Variants in KIAA1614 observed in about 807,000 individuals in gnomAD.
KIAA1614 encodes the protein uncharacterized protein KIAA1614.
KIAA1614 carries 76 observed loss-of-function variants against 88.7 expected under a neutral mutation model. The ratio of observed to expected loss-of-function variants is 0.86; its 90% CI spans 0.71 to 1.04. The LOEUF (loss-of-function observed/expected upper bound fraction) is 1.04. Among genes scored for constraint, KIAA1614 ranks in the 50% least tolerant of loss-of-function variants. The probability of loss-of-function intolerance (pLI) is 0.00; values close to 1 mark genes in which losing one functional copy is unlikely to be tolerated. For missense variants in KIAA1614, 1,553 were observed against 1,582.5 expected, an observed-to-expected ratio of 0.98 and a Z score of 0.32; for synonymous variants, 714 against 675.5, an observed-to-expected ratio of 1.06 and a Z score of -0.88.
rs12748361 is a variant in KIAA1614 at position 180,944,568 on chromosome 1, A to G, written c.3287+52A>G. On this transcript the variant is annotated intron_variant, in intron 8 of 8. Transcript: ENST00000367588. ...GATAAACTCAGAGAGTGACCAGCGG[A>G]GCCAAAAGCTTAACTCCTTCCTGCC... is the stretch of plus-strand genomic sequence containing the variant. 4 of 1,588,404 alleles carry G rather than the reference A, an allele frequency of 2.5e-6. No homozygotes were observed. In the Admixed American group the frequency reaches 6.8e-5, roughly 27 times the overall value.
chr1:180,917,842 G>A lies in KIAA1614; in HGVS notation c.998-9G>A. 1.2e-6 allele frequency: 2 copies of A among 1,613,196 alleles called. No individual in the cohort carries two copies. The highest frequency in any genetic ancestry group is 1.7e-6 in the Non-Finnish European group (2 of 1,179,260). ...CTGTCCTGATCTCTGCTTCTGTTCT[G>A]GATCCTAGAGCGACCAGTGGGGGAT... On this transcript the variant is annotated splice_polypyrimidine_tract_variant and intron_variant, in intron 2 of 8. Transcript: ENST00000367588.
At chr1:180,915,298 T>C (rs1653753402) in intron 1 of KIAA1614, among the ~76,000 whole-genome samples, 1 of 152,218 alleles carries the variant, frequency 6.6e-6, no homozygotes, top group Non-Finnish European at 1.5e-5. Flanking sequence ...CAGCACCTTC[T>C]ACTGGAGGTC....
chr1:180,916,533 A>G lies in KIAA1614; in HGVS notation c.430A>G (p.Thr144Ala), dbSNP rs1411261427. 3 of 1,613,448 alleles carry G rather than the reference A, an allele frequency of 1.9e-6. No individual in the cohort carries two copies. The African/African-American group carries it at 4.0e-5, about 22-fold the overall frequency. ...FLPGAVVAPR[T>A]QNLPDGQLDG... is the part of the protein sequence containing the mutation. ...GCCAGGTGCTGTGGTGGCTCCTCGT[A>G]CCCAAAACCTGCCTGATGGGCAGCT... The change falls in exon 2 of 9, where the codon ACC (threonine) becomes GCC (alanine). Residue 144 changes from threonine (T) to alanine (A), a missense_variant. Physicochemically the swap from Thr to Ala is moderately conservative, Grantham distance 58. Coordinates refer to ENST00000367588, the MANE Select transcript of KIAA1614 (RefSeq NM_020950.2).
chr1:180,927,262 C>G (rs954902603), intron 3 of KIAA1614, among the ~76,000 whole-genome samples: 8 of 152,134 alleles, frequency 5.3e-5, no homozygotes, highest in African/African-American at 1.9e-4. Context: ...CTGTTGAGGA[C>G]AGCCCAGCAT....
Position 180,928,992 on chromosome 1 carries a change from T to C in KIAA1614, c.1205+419T>C, listed in dbSNP as rs149538534. Among the ~76,000 whole-genome samples the C allele has an allele frequency of 1.1e-3, 169 of 152,348 alleles. 1 individual carries two copies. The highest frequency in any genetic ancestry group is 1.9e-3 in the Non-Finnish European group (128 of 68,034). Reference sequence around the variant, plus strand: ...CTGAGGCTTGACGGAAGTATAGATATGCACTGGCAAGCAGTGCAAGATAGG... The same window carrying C: ...CTGAGGCTTGACGGAAGTATAGATACGCACTGGCAAGCAGTGCAAGATAGG... On this transcript the variant is annotated intron_variant, in intron 4 of 8. Transcript: ENST00000367588.
Position 180,941,265 on chromosome 1 carries a change from T to C in KIAA1614, c.3139T>C (p.Ser1047Pro). 1 of 1,610,196 alleles carries C rather than the reference T, an allele frequency of 6.2e-7. No homozygotes were observed. The highest frequency in any genetic ancestry group is 1.3e-5 in the African/African-American group (1 of 74,908). The change falls in exon 7 of 9, where the codon TCG (serine) becomes CCG (proline). Residue 1047 changes from serine to proline, a missense_variant. Coordinates refer to ENST00000367588, the MANE Select transcript of KIAA1614 (RefSeq NM_020950.2). ...CCTGACGTCACAGTCCAGGGCCCCA[T>C]CGTTACAATCCCTGCACCCGGTGAG... ...PGLTSQSRAP[S>P]LQSLHPVSPS...
rs1023356058 is a variant in KIAA1614, at chr1:180,950,340, G to T, written c.*4752G>T. Reference sequence around the variant, plus strand: ...GAAATTCTCCTGTTTTCCTCTGCAGGGATCTACGTGCAGGAGATGGCTGAC... The same window carrying T: ...GAAATTCTCCTGTTTTCCTCTGCAGTGATCTACGTGCAGGAGATGGCTGAC... On this transcript the variant is annotated 3_prime_UTR_variant, in exon 9 of 9. Coordinates refer to ENST00000367588, the MANE Select transcript of KIAA1614 (RefSeq NM_020950.2). 8.3e-7 allele frequency: 1 copy of T among 1,200,314 alleles called. No homozygotes were observed. The highest frequency in any genetic ancestry group is 1.1e-6 in the Non-Finnish European group (1 of 944,682). 74.4% of individuals were successfully genotyped at this position (1,200,314 alleles called of 1,614,324 possible).
chr1:180,950,574 C>T lies in KIAA1614; in HGVS notation c.*4986C>T. On this transcript the variant is annotated 3_prime_UTR_variant, in exon 9 of 9. Transcript: ENST00000367588. ...GCCCTCACTGTCACGGCCTCGGAAG[C>T]CCTGAAGCACTCAGGGTGGTTGGCA... The T allele has an allele frequency of 2.8e-6, 3 of 1,053,468 alleles. No homozygotes were observed. In the South Asian group the frequency reaches 7.0e-5, roughly 25 times the overall value. 65.3% of individuals were successfully genotyped at this position (1,053,468 alleles called of 1,614,324 possible).
chr1:180,945,670 G>C lies in KIAA1614; in HGVS notation c.*82G>C, dbSNP rs1654576060. 6.8e-7 allele frequency: 1 copy of C among 1,475,740 alleles called. No individual in the cohort carries two copies. The highest frequency in any genetic ancestry group is 8.9e-7 in the Non-Finnish European group (1 of 1,122,956). The allele number at this position is 1,475,740 out of a possible 1,614,324, so 91.4% of individuals were successfully genotyped here. On this transcript the variant is annotated 3_prime_UTR_variant, in exon 9 of 9. Transcript: ENST00000367588. ...TCAGGGGCTCTTTCTGAATTGTCCA[G>C]GGCTCTCTAGGAGTCTGCACCTGCA... is the stretch of plus-strand genomic sequence containing the variant.
Position 180,928,440 on chromosome 1 carries a change from C to G in KIAA1614, c.1072C>G (p.Pro358Ala), listed in dbSNP as rs1401747780. ...QDSGQNRTVG[P>A]NPEPVLSPRH... Reference sequence around the variant, plus strand: ...TGTGCCACGCTGCAGGACCGTTGGTCCCAACCCGGAGCCTGTGCTGAGCCC... The same window carrying G: ...TGTGCCACGCTGCAGGACCGTTGGTGCCAACCCGGAGCCTGTGCTGAGCCC... The change falls in exon 4 of 9, where the codon CCC becomes GCC. Residue 358 changes from proline (P) to alanine (A), a missense_variant. Pro to Ala is a conservative substitution (Grantham distance 27). Transcript: ENST00000367588. 3 of 1,612,202 alleles carry G rather than the reference C, an allele frequency of 1.9e-6. No homozygotes were observed. Among genetic ancestry groups the G allele is most frequent in the Non-Finnish European group, 2.5e-6 (3 of 1,179,258 alleles).
At chr1:180,939,930 C>G (rs555417227) in intron 6 of KIAA1614, among the ~76,000 whole-genome samples, 1 of 152,224 alleles carries the variant, frequency 6.6e-6, no homozygotes, top group Non-Finnish European at 1.5e-5. Flanking sequence ...GGCTGTGGCA[C>G]CAGCTGTTCC....
In KIAA1614 at chr1:180,949,103, G is replaced by A. The variant is rs757018034; in HGVS notation, c.*3515G>A. ...TGAGGAGCAGACCTGATGCCCTTTCGGGCCCCTGCTAAGAACCTGATTCGA... is the reference window on the plus strand; with the variant it reads ...TGAGGAGCAGACCTGATGCCCTTTCAGGCCCCTGCTAAGAACCTGATTCGA... On this transcript the variant is annotated 3_prime_UTR_variant, in exon 9 of 9. Transcript: ENST00000367588. 1.3e-5 allele frequency: 2 copies of A among 152,258 alleles called. No homozygotes were observed. The highest frequency in any genetic ancestry group is 4.8e-5 in the African/African-American group (2 of 41,438). The allele number at this position is 152,258 out of a possible 1,614,324, so 9.4% of individuals were successfully genotyped here. A position where few individuals can be genotyped will look rare whatever the true frequency, so the allele number is the denominator to read the frequency against.
chr1:180,931,380 G>T (rs1306878328), intron 4 of KIAA1614, among the ~76,000 whole-genome samples: 1 of 152,194 alleles, frequency 6.6e-6, no homozygotes, highest in Non-Finnish European at 1.5e-5. Flanking sequence ...TGGAAAGTGG[G>T]ACTCTGGAAA....
In KIAA1614 at chr1:180,935,716, G is replaced by A. The variant is rs777658675; in HGVS notation, c.1807G>A (p.Val603Met). The A allele has an allele frequency of 1.9e-6, 3 of 1,613,802 alleles. No homozygotes were observed. The highest frequency in any genetic ancestry group is 2.5e-6 in the Non-Finnish European group (3 of 1,179,942). The change falls in exon 5 of 9, where the codon GTG becomes ATG. Residue 603 changes from valine to methionine, a missense_variant. Transcript: ENST00000367588. The surrounding 1 kb of genome is among the most constrained non-coding windows in gnomAD (Gnocchi z 6.1). The part of the protein sequence containing the change: ...WIRETHIGDT[V>M]CPAEVDSALD... The stretch of plus-strand genomic sequence containing the variant: ...CCGGGAAACACACATCGGAGACACC[G>A]TGTGCCCTGCGGAGGTGGACTCTGC...
In KIAA1614 at chr1:180,941,195, G is replaced by C. The variant is rs370402570; in HGVS notation, c.3069G>C (p.Lys1023Asn). Residue 1023 changes from lysine (K) to asparagine (N), a missense_variant, in exon 7 of 9, where the codon AAG becomes AAC. Coordinates refer to ENST00000367588, the MANE Select transcript of KIAA1614 (RefSeq NM_020950.2). ...AGAGTTCCCGGCCCAAGCTGGGCAA[G>C]TCCCGCAGCTACAGTGTGGAGCAGT... Reference protein sequence around the residue: ...LGQSSRPKLGKSRSYSVEQLQ... With the variant: ...LGQSSRPKLGNSRSYSVEQLQ... 118 of 1,613,758 alleles carry C rather than the reference G, an allele frequency of 7.3e-5. No individual in the cohort carries two copies. The highest frequency in any genetic ancestry group is 9.7e-5 in the Non-Finnish European group (114 of 1,179,972).
intron 3 of KIAA1614, 139 bp downstream of exon 3, chr1:180,918,053 C>T (rs964132713): frequency 1.4e-6 from 1 of 721,700 alleles, no homozygotes; most frequent in African/African-American, 1.7e-5. Context: ...TGGACGTCAT[C>T]ATCCCTGAGA....
At position 180,936,574 on chromosome 1, in the gene KIAA1614, C is replaced by T. The variant is rs778328850; in HGVS notation, c.2665C>T (p.Leu889=). 3 of 1,613,382 alleles carry T rather than the reference C, an allele frequency of 1.9e-6. No individual in the cohort carries two copies. Among genetic ancestry groups the T allele is most frequent in the Non-Finnish European group, 2.5e-6 (3 of 1,179,912 alleles). ...NNCNNSAPRG[L]QEPYGGAVHE... ...CTGCAACAACAGCGCACCTCGGGGG[C>T]TGCAGGAGCCCTACGGGGGAGCCGT... is the stretch of plus-strand genomic sequence containing the variant. Residue 889 remains leucine, a synonymous_variant, in exon 5 of 9, where the codon CTG becomes TTG. Coordinates refer to ENST00000367588, the MANE Select transcript of KIAA1614 (RefSeq NM_020950.2).
At chr1:180,943,035 T>TG (rs1558073239) in intron 7 of KIAA1614, among the ~76,000 whole-genome samples, 2 of 7,142 alleles carry the variant, frequency 2.8e-4, no homozygotes, top group African/African-American at 2.0e-4. Context: ...TGGGTTTTTT[T>TG]TTTTTTTTTA....
intron 8 of KIAA1614, 194 bp from the exon 9 acceptor site, chr1:180,945,099 AGGCCTTGGGG>A (rs1340191670): frequency 5.5e-6 from 3 of 545,546 alleles, no homozygotes; most frequent in Admixed American, 8.0e-5. Flanking sequence ...GTTCCACAGC[AGGCCTTGGGG>A]GGCCTTGCAC....
Sources: allele counts gnomAD v4.1 joint callset (sites outside exome capture counted in the v4.1 genomes callset), GRCh38; gene constraint gnomAD v4.1.1; non-coding constraint Gnocchi (gnomAD v3.1); transcripts MANE v1.5; gene names NCBI Gene and HGNC (gene_info 2026-07-23, HGNC 2026-07-21).